SLC35D4: variants seen among roughly 807,000 people sequenced by gnomAD.
SLC35D4 encodes the protein solute carrier family 35 member D4, also known as UDP-N-acetylglucosamine transporter SLC35D4.
chr18:23,377,160 C>A, the SLC35D4 span, among the ~76,000 whole-genome samples: 556 of 152,220 alleles, frequency 3.7e-3, 3 homozygotes, highest in Non-Finnish European at 6.3e-3. Context: ...ACAGGACGGC[C>A]CAGTTTACGC....
the SLC35D4 span, among the ~76,000 whole-genome samples, chr18:23,341,281 C>T: frequency 6.6e-6 from 1 of 152,196 alleles, no homozygotes; most frequent in African/African-American, 2.4e-5. Context: ...TGATAACAAC[C>T]TAAAATGACT....
chr18:23,356,685 A>G, the SLC35D4 span: 1 of 1,613,226 alleles, frequency 6.2e-7, no homozygotes, highest in Non-Finnish European at 8.5e-7. This position sits in a 1 kb window ranked among gnomAD's most constrained non-coding sequence, Gnocchi z 4.1. Context: ...AGCAATGGTG[A>G]AACAGTGACC....
chr18:23,261,913 C>T, the SLC35D4 span, among the ~76,000 whole-genome samples: 1 of 152,174 alleles, frequency 6.6e-6, no homozygotes, highest in East Asian at 1.9e-4. Context: ...CTGGGGCTTC[C>T]ATATGCCATC....
At chr18:23,397,777 G>T in the SLC35D4 span, among the ~76,000 whole-genome samples, 1 of 152,208 alleles carries the variant, frequency 6.6e-6, no homozygotes. Flanking sequence ...GCCATGCCAG[G>T]TGCAGTAGCT....
chr18:23,385,769 T>A, the SLC35D4 span, among the ~76,000 whole-genome samples: 1 of 152,008 alleles, frequency 6.6e-6, no homozygotes, highest in Non-Finnish European at 1.5e-5. Context: ...TTAGAGGAAC[T>A]TGGGCTGCAG....
At chr18:23,251,446 G>A in the SLC35D4 span, among the ~76,000 whole-genome samples, 4 of 151,890 alleles carry the variant, frequency 2.6e-5, no homozygotes, top group African/African-American at 9.7e-5. Context: ...GCATGACTCC[G>A]TCTCAAAAAA....
the SLC35D4 span, among the ~76,000 whole-genome samples, chr18:23,271,183 C>T: frequency 6.6e-6 from 1 of 152,132 alleles, no homozygotes; most frequent in African/African-American, 2.4e-5. Flanking sequence ...GGGGAAGTTC[C>T]CCTACAAACA....
the SLC35D4 span, among the ~76,000 whole-genome samples, chr18:23,436,257 G>T: frequency 6.6e-6 from 1 of 150,944 alleles, no homozygotes; most frequent in African/African-American, 2.4e-5. Flanking sequence ...CGAACTCCTG[G>T]CCTCAAACAA....
the SLC35D4 span, among the ~76,000 whole-genome samples, chr18:23,249,893 C>T: frequency 6.6e-6 from 1 of 152,234 alleles, no homozygotes; most frequent in South Asian, 2.1e-4. Flanking sequence ...GGGGCACGAG[C>T]TGGAAGCAGC....
chr18:23,307,009 A>G, the SLC35D4 span, among the ~76,000 whole-genome samples: 2 of 152,210 alleles, frequency 1.3e-5, no homozygotes, highest in Non-Finnish European at 2.9e-5. Context: ...AGGGCTGCTC[A>G]GTGTGGTTTC....
At chr18:23,387,053 G>T in the SLC35D4 span, among the ~76,000 whole-genome samples, 120 of 152,280 alleles carry the variant, frequency 7.9e-4, no homozygotes, top group African/African-American at 2.8e-3. Flanking sequence ...GGGACTATAG[G>T]CACCTGCAAC....
At chr18:23,268,780 T>C in the SLC35D4 span, among the ~76,000 whole-genome samples, 1 of 150,030 alleles carries the variant, frequency 6.7e-6, no homozygotes, top group South Asian at 2.1e-4. Context: ...TTGCATTGTC[T>C]GCCTGCTGTG....
chr18:23,264,390 T>G, the SLC35D4 span, among the ~76,000 whole-genome samples: 2 of 125,708 alleles, frequency 1.6e-5, no homozygotes, highest in African/African-American at 6.0e-5. Context: ...TGAGACGGAG[T>G]CTCGCCCTAT....
At chr18:23,369,254 A>T in the SLC35D4 span, among the ~76,000 whole-genome samples, 1 of 152,216 alleles carries the variant, frequency 6.6e-6, no homozygotes, top group Admixed American at 6.5e-5. Flanking sequence ...AGGGAGTGGA[A>T]GCCCCACATT....
the SLC35D4 span, among the ~76,000 whole-genome samples, chr18:23,332,136 C>G: frequency 6.6e-6 from 1 of 151,732 alleles, no homozygotes; most frequent in Non-Finnish European, 1.5e-5. Flanking sequence ...CTCAAGCGAT[C>G]CTCTCACCCT....
At chr18:23,309,335 A>G in the SLC35D4 span, among the ~76,000 whole-genome samples, 2 of 152,052 alleles carry the variant, frequency 1.3e-5, no homozygotes, top group African/African-American at 2.4e-5. Flanking sequence ...ACATACATAT[A>G]TATACACATA....
the SLC35D4 span, among the ~76,000 whole-genome samples, chr18:23,333,246 C>T: frequency 6.8e-3 from 1,040 of 152,278 alleles, 7 homozygotes; most frequent in Middle Eastern, 0.01. Flanking sequence ...TAGGACTGAT[C>T]AGATCTGGGT....
the SLC35D4 span, among the ~76,000 whole-genome samples, chr18:23,332,110 G>A: frequency 6.6e-6 from 1 of 151,304 alleles, no homozygotes; most frequent in Non-Finnish European, 1.5e-5. Flanking sequence ...GCCTAGGCTA[G>A]TCTCAAACTC....
chr18:23,353,806 C>T, the SLC35D4 span, among the ~76,000 whole-genome samples: 283 of 152,320 alleles, frequency 1.9e-3, no homozygotes, highest in African/African-American at 6.5e-3. Context: ...TACTGACCCT[C>T]GTAACCTTAA....
Sources: gnomAD v4.1 joint callset for allele counts (sites outside exome capture counted in the v4.1 genomes callset) on GRCh38, gnomAD v4.1.1 for gene constraint, Gnocchi (gnomAD v3.1) non-coding constraint, MANE v1.5 for transcripts, NCBI Gene and HGNC (gene_info 2026-07-23, HGNC 2026-07-21) for gene names.